The following GSTO2 variants were observed in gnomAD, a reference collection of about 807,000 sequenced individuals.
GSTO2 encodes glutathione S-transferase omega-2.
GSTO2 carries 23 observed loss-of-function variants against 28.4 expected under a neutral mutation model. The observed-to-expected ratio is 0.81, with a 90% CI of 0.58 to 1.15. The LOEUF is 1.15. Among genes scored for constraint, GSTO2 ranks in the 50% most tolerant of loss-of-function variants. The pLI is 0.00. For missense variants in GSTO2, 298 were observed against 297.8 expected (o/e 1.00, Z 0.00); for synonymous variants, 109 against 111.0 (o/e 0.98, Z 0.11).
chr10:104,283,570 G>A (rs1318920427), intron 5 of GSTO2, among the ~76,000 whole-genome samples: 2 of 152,186 alleles, frequency 1.3e-5, no homozygotes, highest in Non-Finnish European at 2.9e-5. Context: ...AGCTTGCAAT[G>A]AGCTATGATC....
In GSTO2 at chr10:104,304,597, T is replaced by C. The variant is rs1303885027; in HGVS notation, c.*5313T>C. On this transcript the variant is annotated 3_prime_UTR_variant, in exon 7 of 7. Transcript: ENST00000338595. Reference sequence around the variant, plus strand: ...ATTGGGCTGTTGAATAATGATGGTCTCATCTATGCAAGGGCTTAGTACCAG... The same window carrying C: ...ATTGGGCTGTTGAATAATGATGGTCCCATCTATGCAAGGGCTTAGTACCAG... 1 of 152,248 alleles carries C rather than the reference T, an allele frequency of 6.6e-6. No individual in the cohort carries two copies. Among genetic ancestry groups the C allele is most frequent in the African/African-American group, 2.4e-5 (1 of 41,464 alleles). The allele number at this position is 152,248 out of a possible 1,614,324, so 9.4% of individuals were successfully genotyped here. A position where few individuals can be genotyped will look rare whatever the true frequency, so the allele number is the denominator to read the frequency against.
At chr10:104,283,788 G>A (rs1350100317) in intron 5 of GSTO2, among the ~76,000 whole-genome samples, 1 of 152,180 alleles carries the variant, frequency 6.6e-6, no homozygotes, top group African/African-American at 2.4e-5. Flanking sequence ...TTCTAATGGA[G>A]AGGATCCCCT....
chr10:104,291,773 A>AT (rs944357536), intron 5 of GSTO2: 2 of 152,210 alleles, frequency 1.3e-5, no homozygotes, highest in African/African-American at 4.8e-5. Flanking sequence ...CCGTAGTCTT[A>AT]TTTTTCAGTG....
rs1314613659 is a variant in GSTO2, at chr10:104,304,857, C to G, written c.*5573C>G. On this transcript the variant is annotated 3_prime_UTR_variant, in exon 7 of 7. Coordinates refer to ENST00000338595, the MANE Select transcript of GSTO2 (RefSeq NM_183239.2). ...TTTATCCCTCCCCGTCCTCCTCCCT[C>G]TCACCCCAAGGCCAAGTTTAATACT... 1 of 152,312 alleles carries G rather than the reference C, an allele frequency of 6.6e-6. No individual in the cohort carries two copies. The highest frequency in any genetic ancestry group is 1.5e-5 in the Non-Finnish European group (1 of 68,060). 9.4% of individuals were successfully genotyped at this position (152,312 alleles called of 1,614,324 possible).
rs1013595988 is a variant in GSTO2, at chr10:104,303,695, T to A, written c.*4411T>A. 3 of 152,214 alleles carry A rather than the reference T, an allele frequency of 2.0e-5. No homozygotes were observed. Among genetic ancestry groups the A allele is most frequent in the Admixed American group, 1.3e-4 (2 of 15,278 alleles). The allele number at this position is 152,214 out of a possible 1,614,324, so 9.4% of individuals were successfully genotyped here. A position where few individuals can be genotyped will look rare whatever the true frequency, so the allele number is the denominator to read the frequency against. On this transcript the variant is annotated 3_prime_UTR_variant, in exon 7 of 7. Coordinates refer to ENST00000338595, the MANE Select transcript of GSTO2 (RefSeq NM_183239.2). ...TTTGCATAAGTAAAAAGGAGCCAAG[T>A]GCTAATGGCCAAGAAAATGGGGAAA...
chr10:104,289,796 G>A (rs1210810244), intron 5 of GSTO2, among the ~76,000 whole-genome samples: 1 of 152,052 alleles, frequency 6.6e-6, no homozygotes, highest in Non-Finnish European at 1.5e-5. Flanking sequence ...TTTCTCAAAA[G>A]AAGACACACA....
intron 5 of GSTO2, among the ~76,000 whole-genome samples, chr10:104,291,834 T>C (rs1419869970): frequency 1.3e-5 from 2 of 152,192 alleles, no homozygotes; most frequent in African/African-American, 4.8e-5. Context: ...TTCCAGAAGG[T>C]CAAACACCTT....
intron 5 of GSTO2, among the ~76,000 whole-genome samples, chr10:104,286,818 T>G (rs554851487): frequency 5.9e-5 from 9 of 152,222 alleles, no homozygotes; most frequent in Admixed American, 1.3e-4. Flanking sequence ...TTCTTATTAT[T>G]TAAAAATTAA....
In GSTO2 at chr10:104,300,350, A is replaced by G. The variant is rs1212862126; in HGVS notation, c.*1066A>G. On this transcript the variant is annotated 3_prime_UTR_variant, in exon 7 of 7. Transcript: ENST00000338595. ...CACTCTCTTCCAATTCATCTCAACA[A>G]ATGCCTCTGGTTGCCTGTTGTGTAC... 1 of 152,202 alleles carries G rather than the reference A, an allele frequency of 6.6e-6. No homozygotes were observed. The highest frequency in any genetic ancestry group is 1.5e-5 in the Non-Finnish European group (1 of 68,054). The allele number at this position is 152,202 out of a possible 1,614,324, so 9.4% of individuals were successfully genotyped here.
chr10:104,289,423 T>G (rs1589870707), intron 5 of GSTO2, among the ~76,000 whole-genome samples: 1 of 152,306 alleles, frequency 6.6e-6, no homozygotes, highest in Non-Finnish European at 1.5e-5. Context: ...AGATACGAAT[T>G]AAGCTCATTA....
intron 5 of GSTO2, among the ~76,000 whole-genome samples, chr10:104,279,824 TG>T (rs1456289823): frequency 6.6e-6 from 1 of 152,160 alleles, no homozygotes; most frequent in African/African-American, 2.4e-5. Flanking sequence ...AAATTCATGT[TG>T]TAAGGGTTTA....
intron 1 of GSTO2, among the ~76,000 whole-genome samples, chr10:104,271,654 C>T (rs17116783): frequency 0.012 from 1,774 of 152,330 alleles, 30 homozygotes; most frequent in African/African-American, 0.04. Flanking sequence ...GCTTCCATCC[C>T]TGTCTTCTAA....
In GSTO2 at chr10:104,302,593, A is replaced by C. The variant is rs1009684861; in HGVS notation, c.*3309A>C. On this transcript the variant is annotated 3_prime_UTR_variant, in exon 7 of 7. Transcript: ENST00000338595. Reference sequence around the variant, plus strand: ...GTACTTGAAATTTCTTTTAGATCTAAAATTCTGTGATATGGTTTGGATCTG... The same window carrying C: ...GTACTTGAAATTTCTTTTAGATCTACAATTCTGTGATATGGTTTGGATCTG... The C allele has an allele frequency of 2.0e-5, 3 of 152,258 alleles. No individual in the cohort carries two copies. The highest frequency in any genetic ancestry group is 4.4e-5 in the Non-Finnish European group (3 of 68,032). The allele number at this position is 152,258 out of a possible 1,614,324, so 9.4% of individuals were successfully genotyped here.
intron 1 of GSTO2, among the ~76,000 whole-genome samples, chr10:104,273,223 T>G (rs961318441): frequency 8.5e-5 from 13 of 152,240 alleles, no homozygotes; most frequent in Non-Finnish European, 1.8e-4. Flanking sequence ...ACTCTGTTAC[T>G]TTCTCTGTCT....
At chr10:104,281,439 A>C (rs1336459925) in intron 5 of GSTO2, among the ~76,000 whole-genome samples, 2 of 152,226 alleles carry the variant, frequency 1.3e-5, no homozygotes, top group Non-Finnish European at 2.9e-5. Flanking sequence ...ACGATACAGT[A>C]ATTGAAACAT....
At chr10:104,286,212 T>A (rs1176053033) in intron 5 of GSTO2, among the ~76,000 whole-genome samples, 1 of 150,366 alleles carries the variant, frequency 6.7e-6, no homozygotes, top group Non-Finnish European at 1.5e-5. Context: ...GCGTTTTTTT[T>A]ATCATCCCCC....
At position 104,301,645 on chromosome 10, in the gene GSTO2, T is replaced by G. The variant is rs139731927; in HGVS notation, c.*2361T>G. On this transcript the variant is annotated 3_prime_UTR_variant, in exon 7 of 7. Transcript: ENST00000338595. ...TTAATACATGTGGAAAGAATACATA[T>G]GGGTTAAAAATACAATAATGTAAAA... 1.3e-5 allele frequency: 2 copies of G among 152,256 alleles called. No individual in the cohort carries two copies. The highest frequency in any genetic ancestry group is 6.5e-5 in the Admixed American group (1 of 15,286). The allele number at this position is 152,256 out of a possible 1,614,324, so 9.4% of individuals were successfully genotyped here. A position where few individuals can be genotyped will look rare whatever the true frequency, so the allele number is the denominator to read the frequency against.
rs574960874 is a variant in GSTO2, at chr10:104,303,518, A to G, written c.*4234A>G. 2 of 152,338 alleles carry G rather than the reference A, an allele frequency of 1.3e-5. No individual in the cohort carries two copies. The highest frequency in any genetic ancestry group is 1.9e-4 in the East Asian group (1 of 5,188). 9.4% of individuals were successfully genotyped at this position (152,338 alleles called of 1,614,324 possible). On this transcript the variant is annotated 3_prime_UTR_variant, in exon 7 of 7. Transcript: ENST00000338595. ...GCGCCCTGGCTGCTTTCAACAACCT[A>G]TGCTCATATTTGTGAGCAAAGAAAT...
At chr10:104,280,162 TGACAAAAAAAA>T in intron 5 of GSTO2, among the ~76,000 whole-genome samples, 1 of 70,814 alleles carries the variant, frequency 1.4e-5, no homozygotes, top group Admixed American at 2.2e-4. Flanking sequence ...TAAGTAGGAC[TGACAAAAAAAA>T]AAAAAAAAAA....
Sources: allele counts gnomAD v4.1 joint callset (sites outside exome capture counted in the v4.1 genomes callset), GRCh38; gene constraint gnomAD v4.1.1; transcripts MANE v1.5; gene names NCBI Gene and HGNC (gene_info 2026-07-23, HGNC 2026-07-21).